Variants in CSDE1 observed in about 807,000 individuals in gnomAD.
CSDE1 encodes the protein cold shock domain-containing protein E1.
A neutral mutation model predicts 89.3 loss-of-function variants in CSDE1; 17 were observed. The ratio of observed to expected loss-of-function variants is 0.19; its 90% CI spans 0.13 to 0.29. The LOEUF (loss-of-function observed/expected upper bound fraction) is 0.29. Ranked by LOEUF, CSDE1 falls within the 10% of genes least tolerant of loss-of-function variation. CSDE1 has a pLI of 1.00. For synonymous variants in CSDE1, 322 were observed against 332.8 expected (o/e 0.97, Z 0.35); for missense variants, 672 against 984.2 (o/e 0.68, Z 4.24).
In CSDE1 at chr1:114,734,437, C is replaced by T. The variant is rs1421444194; in HGVS notation, c.582+5G>A. On this transcript the variant is annotated splice_donor_5th_base_variant and intron_variant, in intron 7 of 19. Coordinates refer to ENST00000358528, the MANE Select transcript of CSDE1 (RefSeq NM_001007553.3). ...AAACTCAAGTTTCTCAAATTTAACA[C>T]TTACCTTCATGGCACAAACTACTCC... is the stretch of plus-strand genomic sequence containing the variant. 6.2e-7 allele frequency: 1 copy of T among 1,610,952 alleles called. No homozygotes were observed. The highest frequency in any genetic ancestry group is 2.2e-5 in the East Asian group (1 of 44,770).
Position 114,736,907 on chromosome 1 carries a change from T to C in CSDE1, c.403-52A>G, listed in dbSNP as rs1250539903. The C allele has an allele frequency of 2.2e-6, 3 of 1,354,030 alleles. No homozygotes were observed. In the African/African-American group the frequency reaches 4.3e-5, roughly 20 times the overall value. The allele number at this position is 1,354,030 out of a possible 1,614,324, so 83.9% of individuals were successfully genotyped here. A position where few individuals can be genotyped will look rare whatever the true frequency, so the allele number is the denominator to read the frequency against. Reference sequence around the variant, plus strand: ...ATTTTGGCAGGATGCATATTCACTGTATACTGTGATTTACTTACTTAAAAA... The same window carrying C: ...ATTTTGGCAGGATGCATATTCACTGCATACTGTGATTTACTTACTTAAAAA... On this transcript the variant is annotated intron_variant, in intron 5 of 19. Coordinates refer to ENST00000358528, the MANE Select transcript of CSDE1 (RefSeq NM_001007553.3).
intron 2 of CSDE1, among the ~76,000 whole-genome samples, chr1:114,740,348 G>A (rs1016850866): frequency 6.6e-6 from 1 of 152,170 alleles, no homozygotes; most frequent in Non-Finnish European, 1.5e-5. Context: ...CATGCATTTG[G>A]AAGGCATATT....
rs779445127 is a variant in CSDE1 at position 114,725,253 on chromosome 1, A to G, written c.1721T>C (p.Val574Ala). 1.9e-6 allele frequency: 3 copies of G among 1,614,068 alleles called. No homozygotes were observed. The highest frequency in any genetic ancestry group is 2.5e-6 in the Non-Finnish European group (3 of 1,180,040). Residue 574 changes from valine (V) to alanine (A), a missense_variant, in exon 15 of 20, where the codon GTC (valine) becomes GCC (alanine). Coordinates refer to ENST00000358528, the MANE Select transcript of CSDE1 (RefSeq NM_001007553.3). Reference protein sequence around the residue: ...YSLSKGKGNKVSAEKVNKTHS... With the variant: ...YSLSKGKGNKASAEKVNKTHS... Reference sequence around the variant, plus strand: ...TGTTTTGTTCACTTTTTCTGCACTGACTTTGTTGCCTTTGCCTTTGGACAA... The same window carrying G: ...TGTTTTGTTCACTTTTTCTGCACTGGCTTTGTTGCCTTTGCCTTTGGACAA...
rs767123951 is a variant in CSDE1, at chr1:114,733,876, G to C, written c.712-19C>G. ...CTTTACCCTAAATCAGAAGGGGTTGGAGGTGGTGGGGGGACAGAGGAAGGA... is the reference window on the plus strand; with the variant it reads ...CTTTACCCTAAATCAGAAGGGGTTGCAGGTGGTGGGGGGACAGAGGAAGGA... On this transcript the variant is annotated intron_variant, in intron 8 of 19. Coordinates refer to ENST00000358528, the MANE Select transcript of CSDE1 (RefSeq NM_001007553.3). 1.2e-6 allele frequency: 2 copies of C among 1,613,170 alleles called. No individual in the cohort carries two copies. The highest frequency in any genetic ancestry group is 1.7e-6 in the Non-Finnish European group (2 of 1,179,872).
intron 15 of CSDE1, 125 bp downstream of exon 15, chr1:114,725,096 C>T: frequency 2.7e-6 from 2 of 750,358 alleles, no homozygotes; most frequent in South Asian, 3.2e-5. Flanking sequence ...GGTGATGCTG[C>T]TGTTCTATGG....
chr1:114,731,684 G>C (rs1464189841), intron 10 of CSDE1, among the ~76,000 whole-genome samples: 1 of 152,202 alleles, frequency 6.6e-6, no homozygotes, highest in Non-Finnish European at 1.5e-5. Context: ...AAAACAATTT[G>C]TGAAGTTCTG....
rs754048318 is a variant in CSDE1 at position 114,726,987 on chromosome 1, T to A, written c.1460A>T (p.Asp487Val). 1 of 1,603,140 alleles carries A rather than the reference T, an allele frequency of 6.2e-7. No homozygotes were observed. Among genetic ancestry groups the A allele is most frequent in the South Asian group, 1.1e-5 (1 of 90,856 alleles). Residue 487 changes from aspartate (D) to valine (V), a missense_variant, in exon 13 of 20, where the codon GAT (aspartate) becomes GTT (valine). By Grantham distance (152) the Asp-to-Val change is radical (BLOSUM62 -3). Around this residue, in one of 8 missense-constraint regions of CSDE1, gnomAD observed 108 missense variants for 105.0 expected, o/e 1.03. Transcript: ENST00000358528. ...GAATGAGCAGAATTATCTTGCCTTA[T>A]CTCCTATTTGAGGAGAAGTAGATCC... is the stretch of plus-strand genomic sequence containing the variant. Reference protein sequence around the residue: ...VEGSTSPQIGDKVEFSISDKQ... With the variant: ...VEGSTSPQIGVKVEFSISDKQ...
intron 3 of CSDE1, 82 bp downstream of exon 3, chr1:114,739,608 CTT>C: frequency 1.7e-6 from 2 of 1,211,020 alleles, no homozygotes; most frequent in Non-Finnish European, 2.4e-6. Flanking sequence ...TTACATAAAA[CTT>C]TTTGAAAAAC....
chr1:114,721,658 C>T (rs369097356), intron 16 of CSDE1, among the ~76,000 whole-genome samples: 252 of 152,264 alleles, frequency 1.7e-3, no homozygotes, highest in African/African-American at 5.7e-3. Context: ...TGGCGATCAA[C>T]GGCTCACTGC....
At chr1:114,744,019 T>G (rs1224783020) in intron 2 of CSDE1, among the ~76,000 whole-genome samples, 1 of 152,240 alleles carries the variant, frequency 6.6e-6, no homozygotes, top group East Asian at 1.9e-4. Flanking sequence ...AAATATTTCT[T>G]AATCAGCACC....
chr1:114,726,836 C>A, intron 13 of CSDE1, 147 bp downstream of exon 13: 1 of 573,310 alleles, frequency 1.7e-6, no homozygotes, highest in East Asian at 2.9e-5. Flanking sequence ...TAATAAGCTG[C>A]TTTCAAATAC....
chr1:114,737,770 A>G (rs1660484444), intron 4 of CSDE1, among the ~76,000 whole-genome samples, 193 bp downstream of exon 4: 1 of 152,210 alleles, frequency 6.6e-6, no homozygotes, highest in Non-Finnish European at 1.5e-5. Context: ...TAAAAACCCA[A>G]TTGAGTCTTG....
chr1:114,754,149 T>C (rs1461203181), intron 1 of CSDE1, among the ~76,000 whole-genome samples: 9 of 152,160 alleles, frequency 5.9e-5, no homozygotes, highest in African/African-American at 1.9e-4. Context: ...CCACCAGGCC[T>C]GGCTGGCTAA....
At chr1:114,739,608 C>T (rs1295900699) in intron 3 of CSDE1, 84 bp downstream of exon 3, 1 of 1,210,902 alleles carries the variant, frequency 8.3e-7, no homozygotes, top group African/African-American at 1.5e-5. Flanking sequence ...TTACATAAAA[C>T]TTTTTGAAAA....
chr1:114,730,194 T>C (rs1570911418), intron 12 of CSDE1, 64 bp downstream of exon 12: 1 of 1,540,470 alleles, frequency 6.5e-7, no homozygotes, highest in East Asian at 2.2e-5. Context: ...TCTATTACTA[T>C]GTGCTGTTAA....
intron 19 of CSDE1, 127 bp from the exon 20 acceptor site, chr1:114,718,343 C>A: frequency 8.5e-7 from 1 of 1,170,648 alleles, no homozygotes; most frequent in Non-Finnish European, 1.2e-6. Flanking sequence ...AGTACTAATT[C>A]TTTCCTAGAG....
chr1:114,743,376 G>C (rs1660837326), intron 2 of CSDE1, among the ~76,000 whole-genome samples: 1 of 152,110 alleles, frequency 6.6e-6, no homozygotes. Flanking sequence ...ATTTTTAGTA[G>C]AGACGGGGTT....
At chr1:114,748,967 C>T (rs1394001281) in intron 2 of CSDE1, among the ~76,000 whole-genome samples, 1 of 152,190 alleles carries the variant, frequency 6.6e-6, no homozygotes, top group Non-Finnish European at 1.5e-5. Context: ...TGGGCCAAGC[C>T]TCCAGCAAAC....
Position 114,718,097 on chromosome 1 carries a change from A to G in CSDE1, c.*72T>C. ...GATTTCGGGAGGGATGAAGAGGGAG[A>G]TATTCAGAACCCTTCACCAGATTCC... is the stretch of plus-strand genomic sequence containing the variant. On this transcript the variant is annotated 3_prime_UTR_variant, in exon 20 of 20. Coordinates refer to ENST00000358528, the MANE Select transcript of CSDE1 (RefSeq NM_001007553.3). 6.7e-7 allele frequency: 1 copy of G among 1,500,696 alleles called. No homozygotes were observed. Among genetic ancestry groups the G allele is most frequent in the South Asian group, 1.1e-5 (1 of 87,212 alleles). The allele number at this position is 1,500,696 out of a possible 1,614,324, so 93.0% of individuals were successfully genotyped here. A position where few individuals can be genotyped will look rare whatever the true frequency, so the allele number is the denominator to read the frequency against.
Sources: allele counts gnomAD v4.1 joint callset (sites outside exome capture counted in the v4.1 genomes callset), GRCh38; gene constraint gnomAD v4.1.1; regional missense constraint gnomAD v4.1.1; transcripts MANE v1.5; gene names NCBI Gene and HGNC (gene_info 2026-07-23, HGNC 2026-07-21).